RAB28: variants seen among roughly 807,000 people sequenced by gnomAD.
RAB28 encodes ras-related protein Rab-28.
Under a neutral mutation model 31.7 loss-of-function variants are expected in RAB28, and 24 were observed. That is an observed-to-expected ratio of 0.76 (90% CI 0.55 to 1.06). The LOEUF (loss-of-function observed/expected upper bound fraction) is 1.06. Ranked by LOEUF, RAB28 falls within the 50% of genes least tolerant of loss-of-function variation. The pLI, the probability that RAB28 is intolerant of heterozygous loss-of-function variation, is 0.00. For missense variants in RAB28, 254 were observed against 258.5 expected (o/e 0.98, Z 0.12); for synonymous variants, 100 against 90.4 (o/e 1.11, Z -0.60).
At chr4:13,475,503 T>C (rs989677058) in intron 2 of RAB28, among the ~76,000 whole-genome samples, 1 of 151,628 alleles carries the variant, frequency 6.6e-6, no homozygotes, top group South Asian at 2.1e-4. Context: ...AAGTTAGTCA[T>C]ACCATTTAAC....
At chr4:13,398,809 G>A (rs1711592373) in intron 4 of RAB28, among the ~76,000 whole-genome samples, 1 of 150,458 alleles carries the variant, frequency 6.6e-6, no homozygotes, top group African/African-American at 2.4e-5. Flanking sequence ...GCCTCAATTA[G>A]GCAATTATAT....
chr4:13,469,600 T>C (rs1325812600), intron 3 of RAB28, among the ~76,000 whole-genome samples: 6 of 152,096 alleles, frequency 3.9e-5, no homozygotes, highest in Non-Finnish European at 8.8e-5. Flanking sequence ...TTAGTTTATA[T>C]AGTACTTCGT....
At chr4:13,380,089 T>A (rs765812201) in intron 5 of RAB28, among the ~76,000 whole-genome samples, 5 of 152,084 alleles carry the variant, frequency 3.3e-5, no homozygotes, top group Non-Finnish European at 7.4e-5. Flanking sequence ...AGAAGCCCAG[T>A]GAATCCATGG....
At chr4:13,375,357 G>A (rs1728877440) in intron 6 of RAB28, among the ~76,000 whole-genome samples, 1 of 151,972 alleles carries the variant, frequency 6.6e-6, no homozygotes, top group South Asian at 2.1e-4. Flanking sequence ...TTCTTTTTTA[G>A]ACCCACCACT....
At chr4:13,465,535 A>C (rs1715796291) in intron 3 of RAB28, among the ~76,000 whole-genome samples, 1 of 151,888 alleles carries the variant, frequency 6.6e-6, no homozygotes, top group African/African-American at 2.4e-5. Flanking sequence ...AAAACTACCT[A>C]GAATTCTATA....
chr4:13,461,334 C>CT (rs1339874438), intron 3 of RAB28, among the ~76,000 whole-genome samples: 1 of 152,174 alleles, frequency 6.6e-6, no homozygotes, highest in Non-Finnish European at 1.5e-5. Context: ...TCGATTTCCT[C>CT]TTTTAGTCCA....
At chr4:13,379,048 A>C (rs1276345330) in intron 5 of RAB28, among the ~76,000 whole-genome samples, 2 of 151,362 alleles carry the variant, frequency 1.3e-5, no homozygotes, top group African/African-American at 4.8e-5. Flanking sequence ...TCTACTAAAA[A>C]TACAAAAAAT....
intron 4 of RAB28, among the ~76,000 whole-genome samples, chr4:13,417,932 T>C (rs1036499835): frequency 6.6e-5 from 10 of 152,090 alleles, no homozygotes; most frequent in Non-Finnish European, 1.0e-4. Flanking sequence ...CTTCAGAAGG[T>C]TGGTAATAAC....
intron 4 of RAB28, among the ~76,000 whole-genome samples, chr4:13,447,212 C>G (rs371515269): frequency 6.6e-6 from 1 of 152,174 alleles, no homozygotes; most frequent in Non-Finnish European, 1.5e-5. Context: ...AGCATACTCT[C>G]AAAACAAGAG....
At position 13,388,795 on chromosome 4, in the gene RAB28, A is replaced by T. The variant is rs537253699; in HGVS notation, c.392-7201T>A. Among the ~76,000 whole-genome samples, 5 of 152,190 alleles carry T rather than the reference A, an allele frequency of 3.3e-5. No homozygotes were observed. The South Asian group carries it at 8.3e-4, about 25-fold the overall frequency. ...TATCACCATTAAGGTGGCTAAATTTAAAAAAACAAGGATGAAAAAGATGTA... is the reference window on the plus strand; with the variant it reads ...TATCACCATTAAGGTGGCTAAATTTTAAAAAACAAGGATGAAAAAGATGTA... On this transcript the variant is annotated intron_variant, in intron 4 of 6. Coordinates refer to ENST00000330852, the MANE Select transcript of RAB28 (RefSeq NM_001017979.3).
intron 5 of RAB28, among the ~76,000 whole-genome samples, chr4:13,380,027 T>C (rs1292093871): frequency 6.6e-6 from 1 of 152,142 alleles, no homozygotes; most frequent in Non-Finnish European, 1.5e-5. Context: ...TACTACAAGT[T>C]AAAATAATTC....
intron 4 of RAB28, among the ~76,000 whole-genome samples, chr4:13,429,398 A>C (rs2108929541): frequency 6.6e-6 from 1 of 152,358 alleles, no homozygotes; most frequent in Middle Eastern, 3.4e-3. Context: ...ATCCACAAAA[A>C]AAACTATTAG....
intron 4 of RAB28, among the ~76,000 whole-genome samples, chr4:13,390,963 C>A (rs1729601819): frequency 6.6e-6 from 1 of 152,144 alleles, no homozygotes; most frequent in Admixed American, 6.5e-5. Flanking sequence ...AAGAAGAAAA[C>A]CTGGGCAATA....
At chr4:13,479,616 T>C (rs904163175) in intron 1 of RAB28, 90 bp from the exon 2 acceptor site, 10 of 835,058 alleles carry the variant, frequency 1.2e-5, no homozygotes, top group Middle Eastern at 6.0e-4. Flanking sequence ...TCTTAACATG[T>C]ATATTGCAAT....
chr4:13,420,435 C>T (rs1713061803), intron 4 of RAB28, among the ~76,000 whole-genome samples: 1 of 152,110 alleles, frequency 6.6e-6, no homozygotes, highest in Non-Finnish European at 1.5e-5. Flanking sequence ...GATACCAAAG[C>T]CTGGCAGAGA....
At chr4:13,372,258 C>T (rs1728743693) in intron 6 of RAB28, among the ~76,000 whole-genome samples, 2 of 151,984 alleles carry the variant, frequency 1.3e-5, no homozygotes, top group African/African-American at 4.8e-5. Flanking sequence ...ATTCAAAGTG[C>T]AACAAGATTA....
chr4:13,478,059 TTC>T (rs1314207524), intron 2 of RAB28, among the ~76,000 whole-genome samples: 5 of 151,602 alleles, frequency 3.3e-5, no homozygotes, highest in African/African-American at 1.2e-4. Flanking sequence ...ACATTTGAGA[TTC>T]TCTGTGTACA....
At chr4:13,371,361 C>A (rs1728705563) in intron 6 of RAB28, 2 of 985,082 alleles carry the variant, frequency 2.0e-6, no homozygotes, top group Non-Finnish European at 2.4e-6. Context: ...CTGTTTCATG[C>A]CAAACTATGG....
intron 1 of RAB28, among the ~76,000 whole-genome samples, chr4:13,480,213 T>C (rs1040665541): frequency 6.6e-6 from 1 of 151,808 alleles, no homozygotes; most frequent in East Asian, 1.9e-4. Context: ...TGTTTTTTAA[T>C]AGAAACTGAA....
Sources: allele counts gnomAD v4.1 joint callset (sites outside exome capture counted in the v4.1 genomes callset), GRCh38; gene constraint gnomAD v4.1.1; transcripts MANE v1.5; gene names NCBI Gene and HGNC (gene_info 2026-07-23, HGNC 2026-07-21).